Variants in SLC4A4 observed in about 807,000 individuals in gnomAD.
SLC4A4 encodes the protein solute carrier family 4 member 4, also known as electrogenic sodium bicarbonate cotransporter 1.
Under a neutral mutation model 111.5 loss-of-function variants are expected in SLC4A4, and 27 were observed. That is an observed-to-expected ratio of 0.24 (90% CI 0.18 to 0.33). The LOEUF (loss-of-function observed/expected upper bound fraction) is 0.33. SLC4A4 is among the 10% of genes least tolerant of loss of function. The pLI, the probability that SLC4A4 is intolerant of heterozygous loss-of-function variation, is 1.00. For synonymous variants in SLC4A4, 443 were observed against 463.4 expected, an observed-to-expected ratio of 0.96 and a Z score of 0.57; for missense variants, 909 against 1,315.5, an observed-to-expected ratio of 0.69 and a Z score of 4.78.
intron 7 of SLC4A4, among the ~76,000 whole-genome samples, chr4:71,419,912 A>G (rs1722247340): frequency 6.6e-6 from 1 of 152,184 alleles, no homozygotes; most frequent in South Asian, 2.1e-4. Context: ...GAAAAACTAG[A>G]ACTCTAAAAA....
intron 3 of SLC4A4, among the ~76,000 whole-genome samples, chr4:71,305,588 G>A (rs1342761997): frequency 2.6e-5 from 4 of 152,240 alleles, no homozygotes; most frequent in Non-Finnish European, 2.9e-5. Context: ...CTTTGGAGTA[G>A]AGCTGGGATA....
chr4:71,450,707 G>A (rs914267716), intron 10 of SLC4A4, among the ~76,000 whole-genome samples, 164 bp downstream of exon 10: 2 of 152,024 alleles, frequency 1.3e-5, no homozygotes, highest in East Asian at 1.9e-4. Flanking sequence ...TTGGTTTCAC[G>A]TTTCCTTGGC....
rs1402885513 is a variant in SLC4A4, at chr4:71,422,103, G to GA, written c.808-18506dup. Among the ~76,000 whole-genome samples, 6 of 144,060 alleles carry GA rather than the reference G, an allele frequency of 4.2e-5. No individual in the cohort carries two copies. In the South Asian group the frequency reaches 1.4e-3, roughly 33 times the overall value. The allele number at this position is 144,060 out of a possible 152,430, so 94.5% of individuals were successfully genotyped here. The stretch of plus-strand genomic sequence containing the variant: ...ATAGACCGCTAGCAAGACTAATAAA[G>GA]AAAAAAAGAGAGAAGAATCAAATAG... On this transcript the variant is annotated intron_variant, in intron 7 of 25. Coordinates refer to ENST00000264485, the MANE Select transcript of SLC4A4 (RefSeq NM_001098484.3).
intron 3 of SLC4A4, among the ~76,000 whole-genome samples, chr4:71,264,832 G>A (rs572742776): frequency 6.6e-6 from 1 of 152,110 alleles, no homozygotes; most frequent in Admixed American, 6.5e-5. Context: ...ACTCTTCCTT[G>A]GTCCTCTGAT....
At chr4:71,370,063 A>C (rs1731719411) in intron 6 of SLC4A4, among the ~76,000 whole-genome samples, 2 of 152,216 alleles carry the variant, frequency 1.3e-5, no homozygotes, top group African/African-American at 4.8e-5. Context: ...TAAAATAGAA[A>C]CTTAATAATT....
intron 2 of SLC4A4, among the ~76,000 whole-genome samples, chr4:71,143,525 C>A (rs1187382718): frequency 6.6e-6 from 1 of 152,206 alleles, no homozygotes; most frequent in East Asian, 1.9e-4. Flanking sequence ...AATCACCACA[C>A]CGACTTCCAC....
chr4:71,341,460 A>T (rs1269007436), intron 4 of SLC4A4, among the ~76,000 whole-genome samples: 1 of 152,144 alleles, frequency 6.6e-6, no homozygotes, highest in Non-Finnish European at 1.5e-5. Flanking sequence ...AAATATTTTT[A>T]AAAATCGCTT....
intron 20 of SLC4A4, among the ~76,000 whole-genome samples, chr4:71,550,150 C>A (rs1735859079): frequency 6.6e-6 from 1 of 151,802 alleles, no homozygotes; most frequent in Non-Finnish European, 1.5e-5. Flanking sequence ...AAGGTTTTCC[C>A]CAAAATGTGG....
chr4:71,508,202 C>T (rs1261023693), intron 16 of SLC4A4, among the ~76,000 whole-genome samples: 2 of 151,884 alleles, frequency 1.3e-5, no homozygotes, highest in African/African-American at 2.4e-5. Flanking sequence ...CAAACAAACC[C>T]GAAAGCTAGC....
At chr4:71,100,672 T>C (rs1742703023) in intron 2 of SLC4A4, among the ~76,000 whole-genome samples, 1 of 152,164 alleles carries the variant, frequency 6.6e-6, no homozygotes, top group Non-Finnish European at 1.5e-5. Flanking sequence ...TGTTTGCAGA[T>C]GGCATAATAC....
intron 3 of SLC4A4, chr4:71,301,055 G>A: frequency 2.7e-5 from 11 of 403,972 alleles, no homozygotes; most frequent in South Asian, 2.2e-4. Context: ...CTTAACAGTA[G>A]CTTGGTCAAC....
At position 71,367,710 on chromosome 4, in the gene SLC4A4, A is replaced by G. The variant is rs1208553955; in HGVS notation, c.730+10523A>G. On this transcript the variant is annotated intron_variant, in intron 6 of 25. Coordinates refer to ENST00000264485, the MANE Select transcript of SLC4A4 (RefSeq NM_001098484.3). The stretch of plus-strand genomic sequence containing the variant: ...GGAAACAATTAAAAATTCAGATTGC[A>G]AAGAGAAGACATCAGATTTGCCTCA... Among the ~76,000 whole-genome samples, 5 of 152,234 alleles carry G rather than the reference A, an allele frequency of 3.3e-5. No homozygotes were observed. The South Asian group carries it at 1.0e-3, about 31-fold the overall frequency.
At chr4:71,396,984 T>C (rs113235832) in intron 6 of SLC4A4, among the ~76,000 whole-genome samples, 1,538 of 152,300 alleles carry the variant, frequency 0.01, 27 homozygotes, top group African/African-American at 0.036. Flanking sequence ...TAACACTACA[T>C]TGAGGCAAAG....
At chr4:71,543,126 A>G (rs1735214945) in intron 18 of SLC4A4, among the ~76,000 whole-genome samples, 1 of 152,242 alleles carries the variant, frequency 6.6e-6, no homozygotes, top group African/African-American at 2.4e-5. Flanking sequence ...ATGTGATGGC[A>G]CTTATATTGA....
chr4:71,255,435 C>G (rs752057304), intron 3 of SLC4A4, 36 bp downstream of exon 3: 1 of 1,604,434 alleles, frequency 6.2e-7, no homozygotes, highest in East Asian at 2.2e-5. Context: ...CTCTCTCTGC[C>G]TCACTCCCAC....
chr4:71,124,102 G>A (rs1242025841), intron 2 of SLC4A4, among the ~76,000 whole-genome samples: 4 of 151,644 alleles, frequency 2.6e-5, no homozygotes, highest in Non-Finnish European at 5.9e-5. Context: ...GGGACACACA[G>A]ACAGTCTGAG....
chr4:71,122,221 G>A (rs1261126005), intron 2 of SLC4A4, among the ~76,000 whole-genome samples: 1 of 151,382 alleles, frequency 6.6e-6, no homozygotes, highest in Admixed American at 6.6e-5. Flanking sequence ...GCTGAGGCAG[G>A]AGAATTGCTT....
At chr4:71,175,400 G>A (rs1040358902) in intron 2 of SLC4A4, among the ~76,000 whole-genome samples, 28 of 152,268 alleles carry the variant, frequency 1.8e-4, no homozygotes, top group East Asian at 9.6e-4. Context: ...CCCAGGAAGC[G>A]CAATGGGTCA....
chr4:71,238,341 A>C (rs1327085177), intron 2 of SLC4A4, among the ~76,000 whole-genome samples: 1 of 152,142 alleles, frequency 6.6e-6, no homozygotes, highest in East Asian at 1.9e-4. Flanking sequence ...CGTTTCCTGA[A>C]CTATTTCCCT....
Sources: gnomAD v4.1 joint callset for allele counts (sites outside exome capture counted in the v4.1 genomes callset) on GRCh38, gnomAD v4.1.1 for gene constraint, MANE v1.5 for transcripts, NCBI Gene and HGNC (gene_info 2026-07-23, HGNC 2026-07-21) for gene names.